The following CNTN5 variants were observed in gnomAD, a reference collection of about 807,000 sequenced individuals.
CNTN5 encodes contactin 5.
A neutral mutation model predicts 129.1 loss-of-function variants in CNTN5; 77 were observed. That is an observed-to-expected ratio of 0.60 (90% CI 0.50 to 0.72). The LOEUF (loss-of-function observed/expected upper bound fraction) is 0.72. CNTN5 is among the 30% of genes least tolerant of loss of function. The pLI, the probability that CNTN5 is intolerant of heterozygous loss-of-function variation, is 0.00. For synonymous variants in CNTN5, 509 were observed against 465.6 expected, an observed-to-expected ratio of 1.09 and a Z score of -1.20; for missense variants, 1,478 against 1,328.8, an observed-to-expected ratio of 1.11 and a Z score of -1.75.
chr11:99,945,967 A>T (rs1279722616), intron 7 of CNTN5, among the ~76,000 whole-genome samples: 2 of 152,108 alleles, frequency 1.3e-5, no homozygotes, highest in Non-Finnish European at 2.9e-5. Context: ...CATGAAAAAA[A>T]AAATCTATTT....
intron 8 of CNTN5, among the ~76,000 whole-genome samples, chr11:99,980,795 G>T (rs1938281906): frequency 1.3e-5 from 2 of 151,832 alleles, no homozygotes; most frequent in Admixed American, 6.6e-5. Flanking sequence ...ATTATATATT[G>T]CCAAGACAAA....
chr11:99,197,124 T>C (rs1353187972), intron 1 of CNTN5, among the ~76,000 whole-genome samples: 1 of 151,956 alleles, frequency 6.6e-6, no homozygotes, highest in African/African-American at 2.4e-5. Context: ...CTAAGCACAT[T>C]TGGAATATTT....
intron 3 of CNTN5, 29 bp downstream of exon 3, chr11:99,556,298 A>T: frequency 2.1e-6 from 3 of 1,436,036 alleles, no homozygotes; most frequent in Middle Eastern, 3.6e-4. Context: ...TAATTATTTG[A>T]TTTTCTAAGT....
At chr11:99,251,693 G>A (rs960279550) in intron 1 of CNTN5, among the ~76,000 whole-genome samples, 5 of 152,002 alleles carry the variant, frequency 3.3e-5, no homozygotes, top group East Asian at 3.9e-4. Context: ...TTATGTGGAC[G>A]TACAAATATG....
At chr11:100,032,508 G>GAT (rs763114152) in intron 9 of CNTN5, among the ~76,000 whole-genome samples, 62 of 150,622 alleles carry the variant, frequency 4.1e-4, no homozygotes, top group African/African-American at 5.1e-4. Context: ...AAAAAATAAT[G>GAT]ATATATATAT....
chr11:99,539,399 T>C (rs929855702), intron 2 of CNTN5, among the ~76,000 whole-genome samples: 3 of 152,072 alleles, frequency 2.0e-5, no homozygotes, highest in African/African-American at 7.2e-5. Flanking sequence ...ACCCAAATTA[T>C]CGTTTTATTG....
At chr11:100,137,163 C>T (rs536121823) in intron 13 of CNTN5, among the ~76,000 whole-genome samples, 1 of 152,092 alleles carries the variant, frequency 6.6e-6, no homozygotes, top group South Asian at 2.1e-4. Flanking sequence ...TTATCCATTT[C>T]TCTTTTATAT....
At chr11:99,656,809 A>G (rs555055552) in intron 3 of CNTN5, among the ~76,000 whole-genome samples, 1 of 152,246 alleles carries the variant, frequency 6.6e-6, no homozygotes. Context: ...TTTCATTATC[A>G]GGCAGCTTAT....
intron 6 of CNTN5, among the ~76,000 whole-genome samples, chr11:99,854,002 T>A (rs1947956088): frequency 6.6e-6 from 1 of 152,168 alleles, no homozygotes; most frequent in Non-Finnish European, 1.5e-5. Flanking sequence ...CATTTTTGTT[T>A]TGCATGTCTG....
intron 3 of CNTN5, among the ~76,000 whole-genome samples, chr11:99,638,287 A>G (rs998744311): frequency 2.6e-5 from 4 of 151,974 alleles, no homozygotes; most frequent in African/African-American, 9.7e-5. Context: ...GATTCATTTG[A>G]CCTCCCACTG....
At chr11:100,306,238 G>C (rs746742389) in intron 20 of CNTN5, among the ~76,000 whole-genome samples, 3 of 151,650 alleles carry the variant, frequency 2.0e-5, no homozygotes, top group Non-Finnish European at 4.4e-5. Context: ...TAAGGTGCTT[G>C]TTTGAGAGGC....
At chr11:99,339,022 A>G (rs185210474) in intron 2 of CNTN5, among the ~76,000 whole-genome samples, 2 of 149,672 alleles carry the variant, frequency 1.3e-5, no homozygotes, top group East Asian at 3.9e-4. Flanking sequence ...AACTAGAAAT[A>G]TAGCCATGAA....
At chr11:100,354,861 G>C (rs957182649) in intron 24 of CNTN5, among the ~76,000 whole-genome samples, 8 of 151,552 alleles carry the variant, frequency 5.3e-5, no homozygotes, top group Admixed American at 1.3e-4. Flanking sequence ...GATATAGTCA[G>C]TATAAAAGAT....
intron 8 of CNTN5, among the ~76,000 whole-genome samples, chr11:99,958,483 G>A (rs571220563): frequency 1.2e-4 from 18 of 152,278 alleles, no homozygotes; most frequent in South Asian, 1.0e-3. Flanking sequence ...GGGTACATGG[G>A]AAATCCATGT....
At chr11:99,612,725 T>C (rs1055013604) in intron 3 of CNTN5, among the ~76,000 whole-genome samples, 1 of 152,218 alleles carries the variant, frequency 6.6e-6, no homozygotes, top group Admixed American at 6.5e-5. Context: ...ATTCAATGAC[T>C]CATTCCCTTT....
intron 1 of CNTN5, among the ~76,000 whole-genome samples, chr11:99,187,595 A>T (rs1394761207): frequency 6.6e-6 from 1 of 151,786 alleles, no homozygotes; most frequent in East Asian, 1.9e-4. Context: ...CTTGAGTTTT[A>T]CTTTTTAATT....
intron 1 of CNTN5, among the ~76,000 whole-genome samples, chr11:99,119,012 A>G (rs1286881556): frequency 2.0e-5 from 3 of 152,200 alleles, no homozygotes; most frequent in African/African-American, 4.8e-5. Context: ...CTATATATCA[A>G]TGGAAATTTT....
intron 1 of CNTN5, among the ~76,000 whole-genome samples, chr11:99,135,200 A>G (rs906617026): frequency 6.6e-6 from 1 of 152,226 alleles, no homozygotes; most frequent in African/African-American, 2.4e-5. Flanking sequence ...GCAGAAAGAC[A>G]GAATATGAGG....
chr11:99,488,480 C>T (rs1945909334), intron 2 of CNTN5, among the ~76,000 whole-genome samples: 1 of 152,072 alleles, frequency 6.6e-6, no homozygotes, highest in African/African-American at 2.4e-5. Context: ...AACTTCCAGG[C>T]TCCAGAATCC....
Sources: gnomAD v4.1 joint callset for allele counts (sites outside exome capture counted in the v4.1 genomes callset) on GRCh38, gnomAD v4.1.1 for gene constraint, MANE v1.5 for transcripts, NCBI Gene and HGNC (gene_info 2026-07-23, HGNC 2026-07-21) for gene names.